ADCY1: variants seen among roughly 807,000 people sequenced by gnomAD.
ADCY1 encodes the protein adenylate cyclase type 1.
ADCY1 carries 28 observed loss-of-function variants against 105.4 expected under a neutral mutation model. The ratio of observed to expected loss-of-function variants is 0.27; its 90% confidence interval spans 0.20 to 0.36. The LOEUF is 0.36. ADCY1 is among the 10% of genes least tolerant of loss of function. The pLI is 1.00. For synonymous variants in ADCY1, 655 were observed against 623.8 expected (o/e 1.05, Z -0.75); for missense variants, 977 against 1,434.2 (o/e 0.68, Z 5.15).
chr7:45,702,088 C>T (rs564224731), intron 14 of ADCY1, among the ~76,000 whole-genome samples: 50 of 152,306 alleles, frequency 3.3e-4, no homozygotes, highest in African/African-American at 1.1e-3. Flanking sequence ...CCTCAAGGCT[C>T]GGGGCCTCGT....
intron 4 of ADCY1, among the ~76,000 whole-genome samples, chr7:45,631,871 A>C (rs2115973934): frequency 6.6e-6 from 1 of 152,354 alleles, no homozygotes; most frequent in African/African-American, 2.4e-5. Context: ...CAAAAAATAA[A>C]GTAAAAATCT....
At chr7:45,694,923 G>C (rs116361952) in intron 14 of ADCY1, among the ~76,000 whole-genome samples, 86 of 152,320 alleles carry the variant, frequency 5.6e-4, no homozygotes, top group African/African-American at 1.9e-3. Context: ...CTAATCCCTA[G>C]ATGGTTCTTT....
At position 45,686,590 on chromosome 7, in the gene ADCY1, A is replaced by C; in HGVS notation, c.2371A>C (p.Ile791Leu). 6.2e-7 allele frequency: 1 copy of C among 1,613,708 alleles called. No individual in the cohort carries two copies. The highest frequency in any genetic ancestry group is 1.3e-5 in the African/African-American group (1 of 75,050). The change falls in exon 14 of 20, where the codon ATC becomes CTC. Residue 791 changes from isoleucine to leucine, a missense_variant. Coordinates refer to ENST00000297323, the MANE Select transcript of ADCY1 (RefSeq NM_021116.4). The surrounding 1 kb of genome is among the most constrained non-coding windows in gnomAD (Gnocchi z 4.3). The stretch of plus-strand genomic sequence containing the variant: ...GCGCAGCTACGAGCCGATTGTGGCC[A>C]TCCTGCTCTTCTCCTGTGCGCTGGC... ...SGRSYEPIVAILLFSCALALH... is the reference protein window; with the variant it reads ...SGRSYEPIVALLLFSCALALH...
chr7:45,660,362 G>A (rs1047542157), intron 7 of ADCY1, among the ~76,000 whole-genome samples, 179 bp downstream of exon 7: 1 of 152,220 alleles, frequency 6.6e-6, no homozygotes, highest in Non-Finnish European at 1.5e-5. Context: ...TTACTGGTGT[G>A]GGGAGGGGTC....
At chr7:45,611,751 G>C (rs1039031397) in intron 3 of ADCY1, among the ~76,000 whole-genome samples, 7 of 151,786 alleles carry the variant, frequency 4.6e-5, no homozygotes, top group Non-Finnish European at 7.4e-5. Context: ...TTTGAGTGTT[G>C]CCTATTTGGG....
Position 45,574,809 on chromosome 7 carries a change from G to T in ADCY1, c.266G>T (p.Gly89Val). 2 of 1,593,764 alleles carry T rather than the reference G, an allele frequency of 1.3e-6. No homozygotes were observed. The highest frequency in any genetic ancestry group is 1.7e-6 in the Non-Finnish European group (2 of 1,174,070). Residue 89 changes from glycine to valine, a missense_variant, in exon 1 of 20, where the codon GGC (glycine) becomes GTC (valine). This residue lies in a region of ADCY1 where 209 missense variants were observed against 222.5 expected (regional missense o/e 0.94). Coordinates refer to ENST00000297323, the MANE Select transcript of ADCY1 (RefSeq NM_021116.4). The surrounding 1 kb of genome is among the most constrained non-coding windows in gnomAD (Gnocchi z 7.0). ...ELLGAPGPAP[G>V]LAKGSHPVHC... ...CTGGGCGCGCCGGGGCCCGCGCCCG[G>T]CCTGGCCAAGGGCTCACACCCGGTG...
rs188916223 is a variant in ADCY1 at position 45,622,754 on chromosome 7, C to T, written c.1020+11C>T. The T allele has an allele frequency of 8.1e-5, 130 of 1,604,300 alleles. 1 individual carries two copies. In the African/African-American group the frequency reaches 1.5e-3, roughly 18 times the overall value. On this transcript the variant is annotated intron_variant, in intron 4 of 19. Coordinates refer to ENST00000297323, the MANE Select transcript of ADCY1 (RefSeq NM_021116.4). ...GATGAATTAGCCACGGTAAGTGCAG[C>T]GTTTTTCTTTGTTCGAATTAAATTA... is the stretch of plus-strand genomic sequence containing the variant.
chr7:45,687,736 G>C (rs1046907148), intron 14 of ADCY1, among the ~76,000 whole-genome samples: 3 of 152,280 alleles, frequency 2.0e-5, no homozygotes, highest in Admixed American at 2.0e-4. Flanking sequence ...AGAACACAGG[G>C]GCCACTAAAG....
At chr7:45,691,310 G>T (rs1192647366) in intron 14 of ADCY1, among the ~76,000 whole-genome samples, 1 of 152,196 alleles carries the variant, frequency 6.6e-6, no homozygotes, top group Non-Finnish European at 1.5e-5. Context: ...TGCCCACATG[G>T]AGTATACTGC....
chr7:45,703,758 C>T lies in ADCY1; in HGVS notation c.2718+12C>T, dbSNP rs368492776. The T allele has an allele frequency of 2.0e-5, 31 of 1,559,194 alleles. No individual in the cohort carries two copies. Among genetic ancestry groups the T allele is most frequent in the African/African-American group, 1.8e-4 (13 of 73,728 alleles). On this transcript the variant is annotated intron_variant, in intron 16 of 19. Coordinates refer to ENST00000297323, the MANE Select transcript of ADCY1 (RefSeq NM_021116.4). This position sits in a 1 kb window ranked among gnomAD's most constrained non-coding sequence, Gnocchi z 5.9. ...CCGACTTTGACGAGGTGAGGCTGTG[C>T]GTCGCCATCCTGACCCCGCCTGGTT...
intron 3 of ADCY1, among the ~76,000 whole-genome samples, chr7:45,619,478 A>G (rs756035265): frequency 2.6e-5 from 4 of 152,184 alleles, no homozygotes; most frequent in African/African-American, 9.6e-5. Context: ...ACCATAACCC[A>G]TAAGTATGTA....
chr7:45,606,057 A>T (rs1384573042), intron 2 of ADCY1, among the ~76,000 whole-genome samples: 1 of 152,160 alleles, frequency 6.6e-6, no homozygotes, highest in African/African-American at 2.4e-5. Flanking sequence ...CTCTGTTGAC[A>T]CCATGTGGGG....
chr7:45,610,298 C>T (rs1397142574), intron 2 of ADCY1, 81 bp from the exon 3 acceptor site: 15 of 1,305,306 alleles, frequency 1.1e-5, no homozygotes, highest in Admixed American at 1.9e-5. Flanking sequence ...GGGCCCGGCG[C>T]CCTTACTGGG....
intron 14 of ADCY1, among the ~76,000 whole-genome samples, chr7:45,699,993 C>G (rs951922215): frequency 1.3e-5 from 2 of 152,170 alleles, no homozygotes; most frequent in Non-Finnish European, 2.9e-5. Flanking sequence ...CTCTGGTTAT[C>G]AAGGGCTGGG....
intron 8 of ADCY1, among the ~76,000 whole-genome samples, chr7:45,663,818 CAA>C (rs200786032): frequency 3.8e-5 from 5 of 132,742 alleles, no homozygotes; most frequent in Admixed American, 1.5e-4. Flanking sequence ...GACGGTGTCT[CAA>C]AAAAAAAAAA....
chr7:45,630,142 T>A (rs1330613318), intron 4 of ADCY1, among the ~76,000 whole-genome samples: 1 of 152,236 alleles, frequency 6.6e-6, no homozygotes, highest in African/African-American at 2.4e-5. Flanking sequence ...TTTGTGAAGT[T>A]TTGAGCATTC....
intron 4 of ADCY1, among the ~76,000 whole-genome samples, chr7:45,628,715 T>A (rs1183339286): frequency 6.6e-6 from 1 of 152,218 alleles, no homozygotes; most frequent in Non-Finnish European, 1.5e-5. Context: ...ATACTCTGTC[T>A]TCTGCAACCT....
At chr7:45,637,091 A>G (rs144655744) in intron 4 of ADCY1, among the ~76,000 whole-genome samples, 29 of 152,296 alleles carry the variant, frequency 1.9e-4, no homozygotes, top group African/African-American at 6.0e-4. Flanking sequence ...GCTTACTAGT[A>G]TAATTCTTTG....
chr7:45,662,273 C>A, intron 8 of ADCY1, 59 bp downstream of exon 8: 1 of 1,546,296 alleles, frequency 6.5e-7, no homozygotes, highest in South Asian at 1.2e-5. Context: ...CTCTGTCCTG[C>A]CCTCCCAATA....
Sources: gnomAD v4.1 joint callset for allele counts (sites outside exome capture counted in the v4.1 genomes callset) on GRCh38, gnomAD v4.1.1 for gene constraint, gnomAD v4.1.1 regional missense constraint, Gnocchi (gnomAD v3.1) non-coding constraint, MANE v1.5 for transcripts, NCBI Gene and HGNC (gene_info 2026-07-23, HGNC 2026-07-21) for gene names.